The following CABIN1 variants were observed in gnomAD, a reference collection of about 807,000 sequenced individuals.
CABIN1 encodes calcineurin-binding protein cabin-1.
In CABIN1, 133 loss-of-function variants were observed where a neutral mutation model predicts 227.7. The ratio of observed to expected loss-of-function variants is 0.58; its 90% CI spans 0.51 to 0.67. CABIN1 has a LOEUF of 0.67. CABIN1 is among the 30% of genes least tolerant of loss of function. The pLI is 0.00. For missense variants in CABIN1, 2,408 were observed against 2,852.5 expected (o/e 0.84, Z 3.55); for synonymous variants, 1,086 against 1,155.1 (o/e 0.94, Z 1.21).
At chr22:24,148,562 GTGGACAC>G (rs1275004625) in intron 29 of CABIN1, among the ~76,000 whole-genome samples, 2 of 152,234 alleles carry the variant, frequency 1.3e-5, no homozygotes, top group Non-Finnish European at 2.9e-5. Flanking sequence ...TGCTCCCAGT[GTGGACAC>G]TGCCCTGTCC....
At chr22:24,035,638 C>A (rs1000934649) in intron 2 of CABIN1, 118 bp downstream of exon 2, 6 of 1,325,830 alleles carry the variant, frequency 4.5e-6, no homozygotes, top group Non-Finnish European at 6.5e-6. Context: ...AGTAGCCTTC[C>A]TCCCAGGAAG....
At chr22:24,049,883 C>T (rs1010319628) in intron 7 of CABIN1, among the ~76,000 whole-genome samples, 1 of 152,134 alleles carries the variant, frequency 6.6e-6, no homozygotes, top group Non-Finnish European at 1.5e-5. Flanking sequence ...CAGGTGTCTT[C>T]CCACAGACAC....
chr22:24,157,748 C>T (rs963765294), intron 29 of CABIN1, among the ~76,000 whole-genome samples: 1 of 152,178 alleles, frequency 6.6e-6, no homozygotes, highest in Non-Finnish European at 1.5e-5. Context: ...GGTATTTTCC[C>T]CACAGCTGCT....
At chr22:24,155,663 C>T (rs1286907617) in intron 29 of CABIN1, among the ~76,000 whole-genome samples, 2 of 152,252 alleles carry the variant, frequency 1.3e-5, no homozygotes, top group Non-Finnish European at 2.9e-5. Context: ...CTGCCTGCCA[C>T]AGGGCACTAC....
chr22:24,018,353 T>A (rs2035458233), intron 1 of CABIN1, among the ~76,000 whole-genome samples: 2 of 152,200 alleles, frequency 1.3e-5, no homozygotes, highest in Non-Finnish European at 2.9e-5. Flanking sequence ...GAATTTTAAA[T>A]CATATTTGGC....
At chr22:24,026,913 C>G (rs774950119) in intron 1 of CABIN1, among the ~76,000 whole-genome samples, 5 of 152,214 alleles carry the variant, frequency 3.3e-5, no homozygotes, top group Non-Finnish European at 5.9e-5. Context: ...TCTATAATTA[C>G]AAACAGACCC....
At chr22:24,070,707 CT>C in intron 16 of CABIN1, 92 bp from the exon 17 acceptor site, 3 of 1,580,262 alleles carry the variant, frequency 1.9e-6, no homozygotes, top group Non-Finnish European at 2.6e-6. Flanking sequence ...TTTGCTGCCC[CT>C]CATCTGTTTT....
chr22:24,054,445 G>T (rs2038619434), intron 8 of CABIN1, among the ~76,000 whole-genome samples: 1 of 152,218 alleles, frequency 6.6e-6, no homozygotes, highest in Admixed American at 6.5e-5. Flanking sequence ...CCATGTCCCT[G>T]TTGGCAGTCC....
chr22:24,167,723 T>C (rs908765462), intron 32 of CABIN1, among the ~76,000 whole-genome samples: 1 of 152,176 alleles, frequency 6.6e-6, no homozygotes, highest in African/African-American at 2.4e-5. Context: ...TTTTCTCCAT[T>C]TAAAATTATT....
rs141330350 is a variant in CABIN1 at position 24,056,013 on chromosome 22, G to A, written c.1094-179G>A. ...AGTCAAGAAAGGTGTGAGAGTTAAG[G>A]GGTTTCAAATTAATTTTACTCAGGA... On this transcript the variant is annotated intron_variant, in intron 9 of 36. Transcript: ENST00000263119. 2.4e-4 allele frequency among the ~76,000 whole-genome samples: 36 copies of A among 152,252 alleles called. No individual in the cohort carries two copies. The East Asian group carries it at 6.7e-3, about 29-fold the overall frequency.
In CABIN1 at chr22:24,167,201, A is replaced by G. The variant is rs1291204669; in HGVS notation, c.5570A>G (p.Lys1857Arg). The G allele has an allele frequency of 3.1e-6, 5 of 1,612,514 alleles. No individual in the cohort carries two copies. The East Asian group carries it at 6.7e-5, about 22-fold the overall frequency. Residue 1857 changes from lysine (K) to arginine (R), a missense_variant, in exon 32 of 37, where the codon AAG (lysine) becomes AGG (arginine). Physicochemically the swap from Lys to Arg is conservative, Grantham distance 26. Transcript: ENST00000263119. ...RKLLEDTESG[K>R]TLLLDAYRVW... Reference sequence around the variant, plus strand: ...CTCCTGGAGGACACAGAGTCAGGCAAGACACTTCTGTTGGATGCCTACCGT... The same window carrying G: ...CTCCTGGAGGACACAGAGTCAGGCAGGACACTTCTGTTGGATGCCTACCGT...
chr22:24,076,831 G>A (rs1285022577), intron 19 of CABIN1, among the ~76,000 whole-genome samples: 2 of 152,148 alleles, frequency 1.3e-5, no homozygotes, highest in African/African-American at 4.8e-5. Context: ...TAAGCAGCAC[G>A]AACCCTGTCT....
At position 24,084,819 on chromosome 22, in the gene CABIN1, G is replaced by A. The variant is rs760548077; in HGVS notation, c.3117+34G>A. ...ACAACCTTGAGGACGTGGGGGACAG[G>A]GCTGGGTCACACTCTTCCGCTCTGC... On this transcript the variant is annotated intron_variant, in intron 21 of 36. Transcript: ENST00000263119. The A allele has an allele frequency of 3.7e-6, 6 of 1,603,750 alleles. No individual in the cohort carries two copies. In the African/African-American group the frequency reaches 8.0e-5, roughly 21 times the overall value.
In CABIN1 at chr22:24,091,771, C is replaced by T. The variant is rs755126645; in HGVS notation, c.3714C>T (p.His1238=). ...LHYRQAGHYL[H]EEAARYPKKI... ...ACAGGCAGGCTGGCCACTACCTGCA[C>T]GAGGAGGCTGCCCGCTACCCCAAGA... The change falls in exon 24 of 37, where the codon CAC becomes CAT. Residue 1238 remains histidine, a synonymous_variant. Transcript: ENST00000263119. The T allele has an allele frequency of 2.0e-5, 32 of 1,613,818 alleles. 1 individual carries two copies. The highest frequency in any genetic ancestry group is 1.5e-4 in the South Asian group (14 of 91,082).
chr22:24,126,316 G>T (rs1184963070), intron 28 of CABIN1, among the ~76,000 whole-genome samples: 1 of 152,216 alleles, frequency 6.6e-6, no homozygotes, highest in East Asian at 1.9e-4. Flanking sequence ...AGGTGTGATT[G>T]TGACTATTTA....
chr22:24,081,173 A>AT (rs1242852747), intron 19 of CABIN1, among the ~76,000 whole-genome samples: 1 of 151,934 alleles, frequency 6.6e-6, no homozygotes, highest in Non-Finnish European at 1.5e-5. Flanking sequence ...TTTTCTGTTA[A>AT]TTTTTTTTCA....
At chr22:24,053,071 CTTTTTTCTTTTTTT>C (rs1250741597) in intron 8 of CABIN1, among the ~76,000 whole-genome samples, 2 of 146,276 alleles carry the variant, frequency 1.4e-5, no homozygotes, top group Non-Finnish European at 3.0e-5. Flanking sequence ...TTTCTTTTTT[CTTTTTTCTTTTTTT>C]TTTTTTTTTT....
At chr22:24,053,482 A>T (rs1178956700) in intron 8 of CABIN1, among the ~76,000 whole-genome samples, 1 of 151,906 alleles carries the variant, frequency 6.6e-6, no homozygotes, top group African/African-American at 2.4e-5. Flanking sequence ...GGTTCAAGCG[A>T]TTCTCCTGCC....
chr22:24,017,062 G>A (rs549832324), intron 1 of CABIN1, among the ~76,000 whole-genome samples: 40 of 119,468 alleles, frequency 3.3e-4, no homozygotes, highest in African/African-American at 1.2e-3. Context: ...TTTTTTTTGA[G>A]ATGGAGTCTC....
Sources: gnomAD v4.1 joint callset for allele counts (sites outside exome capture counted in the v4.1 genomes callset) on GRCh38, gnomAD v4.1.1 for gene constraint, MANE v1.5 for transcripts, NCBI Gene and HGNC (gene_info 2026-07-23, HGNC 2026-07-21) for gene names.